ERAP2: variants seen among roughly 807,000 people sequenced by gnomAD.
ERAP2 encodes leukocyte-derived arginine aminopeptidase.
In ERAP2, 118 loss-of-function variants were observed where a neutral mutation model predicts 111.1. The ratio of observed to expected loss-of-function variants is 1.06; its 90% CI spans 0.92 to 1.24. ERAP2 has a LOEUF of 1.24. ERAP2 is among the 50% of genes most tolerant of loss of function. The pLI is 0.00. For missense variants in ERAP2, 1,131 were observed against 1,125.8 expected, an observed-to-expected ratio of 1.00 and a Z score of -0.07; for synonymous variants, 410 against 401.2, an observed-to-expected ratio of 1.02 and a Z score of -0.26.
chr5:96,891,819 A>T (rs933057108), intron 5 of ERAP2, among the ~76,000 whole-genome samples: 1 of 152,116 alleles, frequency 6.6e-6, no homozygotes, highest in African/African-American at 2.4e-5. Context: ...GACTATAGAG[A>T]TGGCTCCTAA....
intron 2 of ERAP2, among the ~76,000 whole-genome samples, chr5:96,880,513 T>G (rs2617448): frequency 2.6e-5 from 4 of 152,146 alleles, no homozygotes; most frequent in Non-Finnish European, 5.9e-5. Flanking sequence ...ATGATAGATA[T>G]GCTTATGTGC....
chr5:96,878,384 G>A (rs1561353313), intron 1 of ERAP2, among the ~76,000 whole-genome samples: 1 of 129,174 alleles, frequency 7.7e-6, no homozygotes, highest in Non-Finnish European at 1.7e-5. Context: ...TGAAAGAGGT[G>A]AAGTTCAATG....
At chr5:96,878,868 C>T (rs569445390) in intron 1 of ERAP2, among the ~76,000 whole-genome samples, 1 of 152,288 alleles carries the variant, frequency 6.6e-6, no homozygotes, top group Admixed American at 6.5e-5. Flanking sequence ...GCAGAGGTTG[C>T]AGTGAGCCAA....
At chr5:96,914,109 A>G (rs558662908) in intron 17 of ERAP2, among the ~76,000 whole-genome samples, 3 of 149,562 alleles carry the variant, frequency 2.0e-5, no homozygotes, top group Middle Eastern at 3.5e-3. Context: ...AATGGAATGT[A>G]TAAGACAGCA....
intron 6 of ERAP2, among the ~76,000 whole-genome samples, chr5:96,894,239 AATC>A (rs1467834944): frequency 2.0e-5 from 3 of 152,214 alleles, no homozygotes; most frequent in Non-Finnish European, 2.9e-5. Flanking sequence ...AAGTGGCTAG[AATC>A]AGTTTATCCT....
Position 96,913,556 on chromosome 5 carries a change from T to C in ERAP2, c.2657+99T>C, listed in dbSNP as rs1314571827. 12 of 1,357,754 alleles carry C rather than the reference T, an allele frequency of 8.8e-6. No individual in the cohort carries two copies. In the East Asian group the frequency reaches 3.0e-4, roughly 33 times the overall value. The allele number at this position is 1,357,754 out of a possible 1,614,324, so 84.1% of individuals were successfully genotyped here. A position where few individuals can be genotyped will look rare whatever the true frequency, so the allele number is the denominator to read the frequency against. ...AATGTTTCTCAAAGCATATAAATAA[T>C]ACCATTTGTATCCAAATAGTTCAGT... On this transcript the variant is annotated intron_variant, in intron 17 of 18. Transcript: ENST00000437043.
intron 1 of ERAP2, among the ~76,000 whole-genome samples, chr5:96,877,731 A>AT (rs36182209): frequency 0.52 from 79,306 of 151,774 alleles, 20,888 homozygotes; most frequent in South Asian, 0.61. Context: ...AAGCCACTCC[A>AT]TTTTTTTTAA....
chr5:96,908,953 T>C lies in ERAP2; in HGVS notation c.2013-8T>C, dbSNP rs1303562902. On this transcript the variant is annotated splice_region_variant and splice_polypyrimidine_tract_variant and intron_variant, in intron 13 of 18. Coordinates refer to ENST00000437043, the MANE Select transcript of ERAP2 (RefSeq NM_022350.5). Reference sequence around the variant, plus strand: ...GCACAAACCACTGACATTTGTTTTATACTTCAGTGCAGGGAGACTGACCCT... The same window carrying C: ...GCACAAACCACTGACATTTGTTTTACACTTCAGTGCAGGGAGACTGACCCT... 3 of 1,610,438 alleles carry C rather than the reference T, an allele frequency of 1.9e-6. No homozygotes were observed. Among genetic ancestry groups the C allele is most frequent in the East Asian group, 2.2e-5 (1 of 44,872 alleles).
In ERAP2 at chr5:96,901,644, T is replaced by G. The variant is rs752300511; in HGVS notation, c.1711T>G (p.Phe571Val). ...ACAGGAGCGCTTCCTCCAGGGGGTT[T>G]TCCAGGAAGACCCTGAATGGAGGGC... ...LQQERFLQGVFQEDPEWRALQ... is the reference protein window; with the variant it reads ...LQQERFLQGVVQEDPEWRALQ... The change falls in exon 11 of 19, where the codon TTC becomes GTC. Residue 571 changes from phenylalanine to valine, a missense_variant. Physicochemically the swap from Phe to Val is conservative, Grantham distance 50. Around this residue, in one of 3 missense-constraint regions of ERAP2, gnomAD observed 847 missense variants for 856.5 expected, o/e 0.99. Coordinates refer to ENST00000437043, the MANE Select transcript of ERAP2 (RefSeq NM_022350.5). 1 of 1,614,060 alleles carries G rather than the reference T, an allele frequency of 6.2e-7. No individual in the cohort carries two copies. The highest frequency in any genetic ancestry group is 8.5e-7 in the Non-Finnish European group (1 of 1,179,964).
intron 13 of ERAP2, among the ~76,000 whole-genome samples, chr5:96,906,800 G>A (rs1466506408): frequency 6.6e-6 from 1 of 152,208 alleles, no homozygotes; most frequent in Non-Finnish European, 1.5e-5. Flanking sequence ...GTGAGGCCAA[G>A]GCGGGTGGAT....
intron 15 of ERAP2, 41 bp downstream of exon 15, chr5:96,909,805 T>C: frequency 6.3e-7 from 1 of 1,593,704 alleles, no homozygotes; most frequent in African/African-American, 1.3e-5. Flanking sequence ...TCTTTTCTCT[T>C]TGATGTAAAA....
At chr5:96,900,027 C>T in intron 9 of ERAP2, 94 bp from the exon 10 acceptor site, 2 of 1,377,318 alleles carry the variant, frequency 1.5e-6, no homozygotes, top group Non-Finnish European at 1.0e-6. Context: ...TTTCATATAG[C>T]TCTTTTAATA....
chr5:96,896,126 G>A (rs1316158355), intron 7 of ERAP2, among the ~76,000 whole-genome samples: 3 of 151,962 alleles, frequency 2.0e-5, no homozygotes, highest in Admixed American at 2.0e-4. Flanking sequence ...TTCAAGGGCT[G>A]GTACATGATA....
chr5:96,895,848 C>G lies in ERAP2; in HGVS notation c.1239+489C>G, dbSNP rs529239852. On this transcript the variant is annotated intron_variant, in intron 7 of 18. Coordinates refer to ENST00000437043, the MANE Select transcript of ERAP2 (RefSeq NM_022350.5). Reference sequence around the variant, plus strand: ...GTGGTCTGAACACTACACAAATTTGCATATCAAGGTGGTTAGTAATGGTTA... The same window carrying G: ...GTGGTCTGAACACTACACAAATTTGGATATCAAGGTGGTTAGTAATGGTTA... Among the ~76,000 whole-genome samples the G allele has an allele frequency of 2.0e-5, 3 of 152,214 alleles. No individual in the cohort carries two copies. The South Asian group carries it at 6.2e-4, about 32-fold the overall frequency.
chr5:96,877,362 GC>G (rs1272030484), intron 1 of ERAP2, among the ~76,000 whole-genome samples: 1 of 152,166 alleles, frequency 6.6e-6, no homozygotes, highest in African/African-American at 2.4e-5. Context: ...TGTGAGTAAA[GC>G]TTTTCTCTCT....
At chr5:96,889,724 C>T (rs1176974003) in intron 5 of ERAP2, among the ~76,000 whole-genome samples, 2 of 152,114 alleles carry the variant, frequency 1.3e-5, no homozygotes, top group African/African-American at 4.8e-5. Context: ...TCAACGCTCT[C>T]ATCCATTATG....
chr5:96,901,578 C>T lies in ERAP2; in HGVS notation c.1645C>T (p.Leu549=), dbSNP rs111403156. ...TTWTLQKGIP[L]LVVKQDGCSL... is the part of the protein sequence containing the mutation. ...ATGGACTCTCCAGAAAGGAATCCCC[C>T]TGCTGGTGGTTAAACAAGACGGGTG... The change falls in exon 11 of 19, where the codon CTG becomes TTG. Residue 549 remains leucine, a synonymous_variant. Coordinates refer to ENST00000437043, the MANE Select transcript of ERAP2 (RefSeq NM_022350.5). The T allele has an allele frequency of 4.5e-5, 72 of 1,613,972 alleles. No homozygotes were observed. Among genetic ancestry groups the T allele is most frequent in the Non-Finnish European group, 6.1e-5 (72 of 1,179,988 alleles).
intron 6 of ERAP2, among the ~76,000 whole-genome samples, chr5:96,892,755 A>C (rs1215015613): frequency 6.6e-6 from 1 of 152,230 alleles, no homozygotes; most frequent in Non-Finnish European, 1.5e-5. Context: ...GAAGCACAGA[A>C]TTGGAAACCT....
intron 12 of ERAP2, chr5:96,902,623 C>T: frequency 3.6e-6 from 1 of 281,006 alleles, no homozygotes; most frequent in Non-Finnish European, 6.7e-6. Context: ...CTTATAATAC[C>T]CACTAATCTA....
Sources: gnomAD v4.1 joint callset for allele counts (sites outside exome capture counted in the v4.1 genomes callset) on GRCh38, gnomAD v4.1.1 for gene constraint, gnomAD v4.1.1 regional missense constraint, MANE v1.5 for transcripts, NCBI Gene and HGNC (gene_info 2026-07-23, HGNC 2026-07-21) for gene names.